PHF3: variants seen among roughly 807,000 people sequenced by gnomAD.
The protein encoded by PHF3 is PHD finger protein 3.
In PHF3, 41 loss-of-function variants were observed where a neutral mutation model predicts 178.4. The observed-to-expected ratio is 0.23, with a 90% CI of 0.18 to 0.30. PHF3 has a LOEUF of 0.30. Ranked by LOEUF, PHF3 falls within the 10% of genes least tolerant of loss-of-function variation. The pLI is 1.00. For missense variants in PHF3, 2,346 were observed against 2,398.1 expected (o/e 0.98, Z 0.45); for synonymous variants, 842 against 800.5 (o/e 1.05, Z -0.88).
At chr6:63,671,741 G>GTTGTT (rs764669643) in intron 2 of PHF3, among the ~76,000 whole-genome samples, 16 of 152,154 alleles carry the variant, frequency 1.1e-4, no homozygotes, top group South Asian at 6.2e-4. Flanking sequence ...CATATTTACA[G>GTTGTT]TTGTTTTGTT....
At chr6:63,678,760 T>A (rs1003010130) in intron 2 of PHF3, 19 of 435,940 alleles carry the variant, frequency 4.4e-5, no homozygotes, top group African/African-American at 3.6e-4. Context: ...GTTGTCAAAT[T>A]GCTCTTCAAA....
At chr6:63,688,145 T>C (rs1441639974) in intron 4 of PHF3, among the ~76,000 whole-genome samples, 3 of 133,172 alleles carry the variant, frequency 2.3e-5, no homozygotes, top group Non-Finnish European at 4.7e-5. Flanking sequence ...GAGATCATGC[T>C]ACTCCACTTC....
Position 63,713,878 on chromosome 6 carries a change from T to A in PHF3, c.*170T>A, listed in dbSNP as rs904730375. On this transcript the variant is annotated 3_prime_UTR_variant, in exon 16 of 16. Transcript: ENST00000262043. ...GGTACAGAGTGCTCTGTACCAGTGC[T>A]CATCATCCCTTCTTCATACCAACGG... The A allele has an allele frequency of 2.1e-6, 1 of 472,856 alleles. No individual in the cohort carries two copies. The highest frequency in any genetic ancestry group is 3.7e-6 in the Non-Finnish European group (1 of 271,388). 29.3% of individuals were successfully genotyped at this position (472,856 alleles called of 1,614,324 possible). A position where few individuals can be genotyped will look rare whatever the true frequency, so the allele number is the denominator to read the frequency against.
At chr6:63,650,338 G>A (rs562310689) in intron 2 of PHF3, among the ~76,000 whole-genome samples, 1 of 152,212 alleles carries the variant, frequency 6.6e-6, no homozygotes, top group African/African-American at 2.4e-5. Flanking sequence ...TATGGTTTTT[G>A]GAGGTTAAGC....
intron 2 of PHF3, among the ~76,000 whole-genome samples, chr6:63,675,339 C>T (rs1766118349): frequency 2.0e-5 from 3 of 152,144 alleles, no homozygotes; most frequent in African/African-American, 7.2e-5. Context: ...ATGCTGGCAG[C>T]ACAAAGGTCA....
chr6:63,644,648 T>A (rs1409274745), intron 1 of PHF3, among the ~76,000 whole-genome samples: 1 of 152,040 alleles, frequency 6.6e-6, no homozygotes, highest in Non-Finnish European at 1.5e-5. Flanking sequence ...GGAAAAAAAA[T>A]GAGAAGAGAT....
At chr6:63,705,889 C>CATTT (rs1767668171) in intron 11 of PHF3, 140 bp from the exon 12 acceptor site, 1 of 624,400 alleles carries the variant, frequency 1.6e-6, no homozygotes, top group African/African-American at 1.8e-5. Flanking sequence ...TAAATGATGA[C>CATTT]AGTTAGATAT....
intron 1 of PHF3, among the ~76,000 whole-genome samples, chr6:63,645,828 T>C (rs1374983690): frequency 6.6e-6 from 1 of 152,142 alleles, no homozygotes; most frequent in Non-Finnish European, 1.5e-5. Context: ...TCTAAATACA[T>C]GATGTAGATT....
At position 63,721,619 on chromosome 6, in the gene PHF3, T is replaced by C; in HGVS notation, c.*7911T>C. ...TCATTTTAGTGGAGGCCTTTTCTGT[T>C]ACATTTATCCCATCTAGATCCAGGT... On this transcript the variant is annotated 3_prime_UTR_variant, in exon 16 of 16. Transcript: ENST00000262043. 1 of 1,551,462 alleles carries C rather than the reference T, an allele frequency of 6.4e-7. No individual in the cohort carries two copies. Among genetic ancestry groups the C allele is most frequent in the Non-Finnish European group, 8.7e-7 (1 of 1,146,676 alleles).
Position 63,680,175 on chromosome 6 carries a change from AG to A in PHF3, c.406+15del. ...TAATGGCACAAGGTAATCCTTTGAG[AG>A]AGGTCTAGCTAGAAAATTAGAGGTA... is the stretch of plus-strand genomic sequence containing the variant. On this transcript the variant is annotated intron_variant, in intron 3 of 15. Coordinates refer to ENST00000262043, the MANE Select transcript of PHF3 (RefSeq NM_001370348.2). The A allele has an allele frequency of 1.9e-6, 3 of 1,589,300 alleles. No individual in the cohort carries two copies. The highest frequency in any genetic ancestry group is 2.6e-6 in the Non-Finnish European group (3 of 1,170,056).
At position 63,684,867 on chromosome 6, in the gene PHF3, G is replaced by T. The variant is rs960336372; in HGVS notation, c.1145G>T (p.Gly382Val). 2.5e-6 allele frequency: 4 copies of T among 1,613,978 alleles called. No individual in the cohort carries two copies. Among genetic ancestry groups the T allele is most frequent in the Non-Finnish European group, 3.4e-6 (4 of 1,179,912 alleles). Residue 382 changes from glycine to valine, a missense_variant, in exon 4 of 16, where the codon GGT becomes GTT. Physicochemically the swap from Gly to Val is moderately radical, Grantham distance 109. This residue lies in a region of PHF3 where 843 missense variants were observed against 795.2 expected (regional missense o/e 1.06). Transcript: ENST00000262043. ...AATTTGGAATTGAAGGATACCATGGGTATTGCTGATAAAACTGAGAACACC... is the reference window on the plus strand; with the variant it reads ...AATTTGGAATTGAAGGATACCATGGTTATTGCTGATAAAACTGAGAACACC... ...ECNLELKDTMGIADKTENTLE... is the reference protein window; with the variant it reads ...ECNLELKDTMVIADKTENTLE...
rs956140626 is a variant in PHF3 at position 63,719,624 on chromosome 6, T to A, written c.*5916T>A. Among the ~76,000 whole-genome samples the A allele has an allele frequency of 2.6e-5, 4 of 152,112 alleles. No homozygotes were observed. Among genetic ancestry groups the A allele is most frequent in the African/African-American group, 4.8e-5 (2 of 41,450 alleles). ...GTAACTGTTTTGGGAAAAATAATAT[T>A]TTTTCAAGTTATGCTATCAACAGTA... On this transcript the variant is annotated 3_prime_UTR_variant, in exon 16 of 16. Coordinates refer to ENST00000262043, the MANE Select transcript of PHF3 (RefSeq NM_001370348.2).
chr6:63,716,854 C>A lies in PHF3; in HGVS notation c.*3146C>A, dbSNP rs1281339058. On this transcript the variant is annotated 3_prime_UTR_variant, in exon 16 of 16. Coordinates refer to ENST00000262043, the MANE Select transcript of PHF3 (RefSeq NM_001370348.2). The stretch of plus-strand genomic sequence containing the variant: ...ACCCTTGTGATTACATTGACCCCAC[C>A]CAGATAATCCAGGGTAATGTTCCTA... 6.6e-6 allele frequency among the ~76,000 whole-genome samples: 1 copy of A among 151,988 alleles called. No individual in the cohort carries two copies. The highest frequency in any genetic ancestry group is 1.5e-5 in the Non-Finnish European group (1 of 67,962).
In PHF3 at chr6:63,685,717, A is replaced by G; in HGVS notation, c.1995A>G (p.Lys665=). 2.5e-6 allele frequency: 4 copies of G among 1,614,068 alleles called. No individual in the cohort carries two copies. Among genetic ancestry groups the G allele is most frequent in the Non-Finnish European group, 3.4e-6 (4 of 1,180,014 alleles). ...AAGAGGATAAACTGAAACTGAAAAA[A>G]CCTGAGAAGAACCTACAACCCCGCC... ...FKEEDKLKLK[K]PEKNLQPRQR... is the part of the protein sequence containing the mutation. Residue 665 remains lysine, a synonymous_variant, in exon 4 of 16, where the codon AAA becomes AAG. Transcript: ENST00000262043.
At chr6:63,694,956 C>T (rs767642378) in intron 6 of PHF3, among the ~76,000 whole-genome samples, 192 bp downstream of exon 6, 2 of 152,010 alleles carry the variant, frequency 1.3e-5, no homozygotes, top group Non-Finnish European at 1.5e-5. Context: ...TCTGGGGAAG[C>T]GCTAGTGAAA....
At chr6:63,658,876 TAGGGA>T (rs1346616353) in intron 2 of PHF3, among the ~76,000 whole-genome samples, 2 of 151,962 alleles carry the variant, frequency 1.3e-5, no homozygotes, top group African/African-American at 4.8e-5. Flanking sequence ...GCTGGAGACC[TAGGGA>T]AGAGTTGATG....
rs79211912 is a variant in PHF3, at chr6:63,638,506, A to G, written c.-26+2356A>G. Reference sequence around the variant, plus strand: ...CTTTTTACATATGTTTTTTCTGGAGATAATAACTTTTCTGTTTTTTAGTGA... The same window carrying G: ...CTTTTTACATATGTTTTTTCTGGAGGTAATAACTTTTCTGTTTTTTAGTGA... On this transcript the variant is annotated intron_variant, in intron 1 of 15. Transcript: ENST00000262043. 4.4e-3 allele frequency among the ~76,000 whole-genome samples: 665 copies of G among 152,148 alleles called. 7 individuals carry two copies. Among genetic ancestry groups the G allele is most frequent in the African/African-American group, 0.015 (638 of 41,512 alleles).
intron 2 of PHF3, among the ~76,000 whole-genome samples, chr6:63,655,120 A>G (rs993631117): frequency 9.9e-5 from 15 of 151,856 alleles, no homozygotes; most frequent in Non-Finnish European, 7.4e-5. Context: ...CTGTAGTGCA[A>G]TGACACTATC....
intron 6 of PHF3, among the ~76,000 whole-genome samples, chr6:63,697,265 G>C (rs1462774142): frequency 6.6e-6 from 1 of 152,142 alleles, no homozygotes; most frequent in African/African-American, 2.4e-5. Flanking sequence ...TTGGTAATGG[G>C]AAAATGATAG....
Sources: gnomAD v4.1 joint callset for allele counts (sites outside exome capture counted in the v4.1 genomes callset) on GRCh38, gnomAD v4.1.1 for gene constraint, gnomAD v4.1.1 regional missense constraint, MANE v1.5 for transcripts, NCBI Gene and HGNC (gene_info 2026-07-23, HGNC 2026-07-21) for gene names.